The following CPNE4 variants were observed in gnomAD, a reference collection of about 807,000 sequenced individuals.
CPNE4 encodes the protein copine-4.
CPNE4 carries 25 observed loss-of-function variants against 67.9 expected under a neutral mutation model. The ratio of observed to expected loss-of-function variants is 0.37; its 90% confidence interval spans 0.27 to 0.51. The LOEUF (loss-of-function observed/expected upper bound fraction) is 0.51. Ranked by LOEUF, CPNE4 falls within the 20% of genes least tolerant of loss-of-function variation. CPNE4 has a pLI of 0.93. For synonymous variants in CPNE4, 242 were observed against 244.9 expected, an observed-to-expected ratio of 0.99 and a Z score of 0.11; for missense variants, 464 against 690.8, an observed-to-expected ratio of 0.67 and a Z score of 3.68.
At chr3:131,636,231 C>G (rs900972477) in intron 7 of CPNE4, among the ~76,000 whole-genome samples, 4 of 152,162 alleles carry the variant, frequency 2.6e-5, no homozygotes, top group African/African-American at 9.7e-5. Context: ...GGCTTGTGGT[C>G]TGGGGCAAGT....
chr3:131,616,382 A>C (rs1358773024), intron 7 of CPNE4, among the ~76,000 whole-genome samples: 7 of 152,258 alleles, frequency 4.6e-5, no homozygotes, highest in African/African-American at 1.7e-4. Flanking sequence ...GTCTTGAGCT[A>C]TTTAATAAGG....
At chr3:131,942,463 T>TGTGTGA (rs2071424814) in intron 1 of CPNE4, among the ~76,000 whole-genome samples, 17 of 70,762 alleles carry the variant, frequency 2.4e-4, no homozygotes, top group African/African-American at 7.0e-4. Flanking sequence ...TGTGTGTGTG[T>TGTGTGA]GAGAGAGAGA....
intron 1 of CPNE4, among the ~76,000 whole-genome samples, chr3:131,946,987 A>C (rs1409681517): frequency 6.6e-6 from 1 of 151,928 alleles, no homozygotes; most frequent in Non-Finnish European, 1.5e-5. Context: ...AGGTCTTGGA[A>C]CTCTTGTCAA....
intron 1 of CPNE4, among the ~76,000 whole-genome samples, chr3:131,920,556 T>C (rs2070712152): frequency 6.6e-6 from 1 of 152,032 alleles, no homozygotes; most frequent in Non-Finnish European, 1.5e-5. Flanking sequence ...ATGACAGATA[T>C]CTTGGGTGTG....
In CPNE4 at chr3:131,685,883, G is replaced by A; in HGVS notation, c.583C>T (p.Arg195Ter). The A allele has an allele frequency of 6.2e-7, 1 of 1,610,472 alleles. No individual in the cohort carries two copies. Among genetic ancestry groups the A allele is most frequent in the African/African-American group, 1.3e-5 (1 of 74,910 alleles). The change falls in exon 6 of 16, where the codon CGA becomes TGA. Residue 195 changes from arginine (R) to a stop codon, truncating the protein, a stop_gained. Coordinates refer to ENST00000429747, the MANE Select transcript of CPNE4 (RefSeq NM_130808.3). LOFTEE classifies it high-confidence loss of function. ...CTGAAGATGACTCTTACCTCAGTTC[G>A]GTGCACCAGCTGCTGAGTTGCATCA... ...NDDATQQLVH[R>*]TEVVMNNLSP...
intron 9 of CPNE4, among the ~76,000 whole-genome samples, chr3:131,578,909 T>C (rs1582833689): frequency 6.6e-6 from 1 of 152,156 alleles, no homozygotes; most frequent in South Asian, 2.1e-4. Flanking sequence ...AAGTGTAAGG[T>C]AAAGCAGCAA....
Position 131,543,600 on chromosome 3 carries a change from G to A in CPNE4, c.1303-807C>T, listed in dbSNP as rs147318604. 3.4e-3 allele frequency among the ~76,000 whole-genome samples: 525 copies of A among 152,234 alleles called. 2 individuals are homozygous for A. Among genetic ancestry groups the A allele is most frequent in the African/African-American group, 0.011 (475 of 41,536 alleles). On this transcript the variant is annotated intron_variant, in intron 14 of 15. Coordinates refer to ENST00000429747, the MANE Select transcript of CPNE4 (RefSeq NM_130808.3). ...TTCATTAATAATTTTTTTATATGGA[G>A]TACATGCTAAAATGACAATATGTTG...
At chr3:131,883,527 C>T (rs1264345104) in intron 2 of CPNE4, among the ~76,000 whole-genome samples, 1 of 152,238 alleles carries the variant, frequency 6.6e-6, no homozygotes, top group African/African-American at 2.4e-5. Context: ...CGATCTATCA[C>T]AAGCAGTTGT....
intron 7 of CPNE4, among the ~76,000 whole-genome samples, chr3:131,668,089 A>G (rs1175316297): frequency 6.6e-6 from 1 of 152,176 alleles, no homozygotes; most frequent in Non-Finnish European, 1.5e-5. Flanking sequence ...GAAATATCTC[A>G]GTTCTTACAG....
intron 7 of CPNE4, among the ~76,000 whole-genome samples, chr3:131,594,203 C>A (rs796179595): frequency 1.7e-4 from 26 of 152,220 alleles, no homozygotes; most frequent in African/African-American, 6.3e-4. Context: ...GTGATTTTAT[C>A]ATGAAATTGT....
chr3:131,618,898 C>T (rs1020536949), intron 7 of CPNE4, among the ~76,000 whole-genome samples: 1 of 152,128 alleles, frequency 6.6e-6, no homozygotes, highest in African/African-American at 2.4e-5. Flanking sequence ...TAAGGACAAC[C>T]TGTATTCCTG....
intron 2 of CPNE4, among the ~76,000 whole-genome samples, chr3:131,798,444 T>C (rs185401649): frequency 2.4e-4 from 37 of 152,258 alleles, no homozygotes; most frequent in African/African-American, 8.2e-4. Flanking sequence ...CTTAAGTATA[T>C]CACACCATAA....
chr3:131,883,212 T>C (rs930971988), intron 2 of CPNE4, among the ~76,000 whole-genome samples: 1 of 152,190 alleles, frequency 6.6e-6, no homozygotes, highest in Admixed American at 6.5e-5. Flanking sequence ...ATTGGAAGCA[T>C]GTTCATGGTA....
intron 2 of CPNE4, among the ~76,000 whole-genome samples, chr3:131,769,306 A>G (rs2107830167): frequency 6.6e-6 from 1 of 152,116 alleles, no homozygotes; most frequent in African/African-American, 2.4e-5. Context: ...TGTGAAGAAA[A>G]CTCAAGTGCC....
At chr3:131,694,699 G>A (rs1229869091) in intron 5 of CPNE4, among the ~76,000 whole-genome samples, 3 of 152,190 alleles carry the variant, frequency 2.0e-5, no homozygotes, top group African/African-American at 2.4e-5. Context: ...GGACCACCAA[G>A]TAGGCACTCT....
intron 2 of CPNE4, among the ~76,000 whole-genome samples, chr3:131,887,559 A>C (rs551123803): frequency 6.6e-6 from 1 of 152,318 alleles, no homozygotes; most frequent in African/African-American, 2.4e-5. Context: ...TGAAGATACT[A>C]GCTGTTTTTA....
intron 2 of CPNE4, among the ~76,000 whole-genome samples, chr3:131,795,864 C>G (rs930315243): frequency 2.0e-5 from 3 of 152,218 alleles, no homozygotes; most frequent in African/African-American, 7.2e-5. Context: ...AGCACACACT[C>G]CTGTTCCCTT....
chr3:131,960,154 A>G lies in CPNE4; in HGVS notation c.-1-54710T>C, dbSNP rs546720693. Reference sequence around the variant, plus strand: ...AGGGAGGAGAGGGAGGGAGATATTCAGGCTGACTGGCATAAAAGGGATTTA... The same window carrying G: ...AGGGAGGAGAGGGAGGGAGATATTCGGGCTGACTGGCATAAAAGGGATTTA... On this transcript the variant is annotated intron_variant, in intron 1 of 15. Transcript: ENST00000429747. Among the ~76,000 whole-genome samples the G allele has an allele frequency of 3.5e-3, 349 of 98,962 alleles. 3 individuals are homozygous for G. The highest frequency in any genetic ancestry group is 0.014 in the African/African-American group (340 of 23,540). The allele number at this position is 98,962 out of a possible 152,430, so 64.9% of individuals were successfully genotyped here. A position where few individuals can be genotyped will look rare whatever the true frequency, so the allele number is the denominator to read the frequency against.
intron 15 of CPNE4, among the ~76,000 whole-genome samples, chr3:131,541,644 T>C (rs985347093): frequency 2.6e-5 from 4 of 151,982 alleles, no homozygotes; most frequent in Non-Finnish European, 5.9e-5. Flanking sequence ...TTATTCAGCA[T>C]TTTTTCCCAC....
Sources: allele counts gnomAD v4.1 joint callset (sites outside exome capture counted in the v4.1 genomes callset), GRCh38; gene constraint gnomAD v4.1.1; transcripts MANE v1.5; gene names NCBI Gene and HGNC (gene_info 2026-07-23, HGNC 2026-07-21).